Variants in CYP20A1 observed in about 807,000 individuals in gnomAD.
CYP20A1 encodes cytochrome P450 20A1.
In CYP20A1, 61 loss-of-function variants were observed where a neutral mutation model predicts 61.4. The observed-to-expected ratio is 0.99, with a 90% CI of 0.81 to 1.23. The LOEUF (loss-of-function observed/expected upper bound fraction) is 1.23. CYP20A1 is among the 50% of genes most tolerant of loss of function. CYP20A1 has a pLI of 0.00. For missense variants in CYP20A1, 530 were observed against 542.4 expected (o/e 0.98, Z 0.23); for synonymous variants, 193 against 188.2 (o/e 1.03, Z -0.21).
Position 203,297,345 on chromosome 2 carries a change from G to A in CYP20A1, c.*437G>A, listed in dbSNP as rs2068845652. On this transcript the variant is annotated 3_prime_UTR_variant, in exon 13 of 13. Coordinates refer to ENST00000356079, the MANE Select transcript of CYP20A1 (RefSeq NM_177538.3). ...ACACTTTGGGAGGCTGAGGCAGGTG[G>A]ATCACCTGAGGTCCAGAGTTTGAGA... The A allele has an allele frequency of 6.3e-6, 1 of 157,918 alleles. No homozygotes were observed. Among genetic ancestry groups the A allele is most frequent in the Non-Finnish European group, 1.4e-5 (1 of 72,010 alleles). The allele number at this position is 157,918 out of a possible 1,614,324, so 9.8% of individuals were successfully genotyped here.
chr2:203,258,388 TAAAAA>T (rs56367282), intron 4 of CYP20A1, among the ~76,000 whole-genome samples: 8 of 138,114 alleles, frequency 5.8e-5, no homozygotes, highest in Admixed American at 7.2e-5. Flanking sequence ...ACCCTATGTT[TAAAAA>T]AAAAAAAAAA....
chr2:203,247,723 G>A (rs2066510876), intron 3 of CYP20A1, among the ~76,000 whole-genome samples: 2 of 152,258 alleles, frequency 1.3e-5, no homozygotes, highest in Admixed American at 6.5e-5. Context: ...TGAGCGTGGT[G>A]AGGTGTGCCT....
intron 5 of CYP20A1, among the ~76,000 whole-genome samples, chr2:203,269,691 C>T (rs549757936): frequency 2.0e-5 from 3 of 152,128 alleles, no homozygotes; most frequent in Non-Finnish European, 4.4e-5. Flanking sequence ...GATGGGGTTT[C>T]ACCATGCTGA....
At chr2:203,271,298 C>A (rs2067588745) in intron 5 of CYP20A1, among the ~76,000 whole-genome samples, 1 of 150,836 alleles carries the variant, frequency 6.6e-6, no homozygotes, top group South Asian at 2.1e-4. Flanking sequence ...CCATGTTGGC[C>A]AGGATGGTCT....
intron 5 of CYP20A1, among the ~76,000 whole-genome samples, chr2:203,270,319 T>TA (rs1408646527): frequency 3.3e-5 from 5 of 152,116 alleles, no homozygotes; most frequent in African/African-American, 9.7e-5. Context: ...GGTTTTTTTT[T>TA]ATGTCCTCTG....
At position 203,292,267 on chromosome 2, in the gene CYP20A1, C is replaced by G; in HGVS notation, c.1089C>G (p.Leu363=). 1 of 1,610,152 alleles carries G rather than the reference C, an allele frequency of 6.2e-7. No homozygotes were observed. Among genetic ancestry groups the G allele is most frequent in the Non-Finnish European group, 8.5e-7 (1 of 1,177,656 alleles). Residue 363 remains leucine, a synonymous_variant, in exon 11 of 13, where the codon CTC becomes CTG. Transcript: ENST00000356079. ...IDRFIIPRET[L]VLYALGVVLQ... is the part of the protein sequence containing the mutation. Reference sequence around the variant, plus strand: ...TGGATTTTTTTTTTTCACAGACCCTCGTCCTTTATGCCCTTGGTGTGGTAC... The same window carrying G: ...TGGATTTTTTTTTTTCACAGACCCTGGTCCTTTATGCCCTTGGTGTGGTAC...
rs62183905 is a variant in CYP20A1, at chr2:203,272,482, C to T, written c.601-188C>T. On this transcript the variant is annotated intron_variant, in intron 5 of 12. Transcript: ENST00000356079. ...GCTTGAGCCTGGGAGGTGGAGGTTG[C>T]AGTGAGCTATGATCGTGCCATTGCA... Among the ~76,000 whole-genome samples, 799 of 138,420 alleles carry T rather than the reference C, an allele frequency of 5.8e-3. 2 individuals carry two copies. The highest frequency in any genetic ancestry group is 9.1e-3 in the Admixed American group (109 of 12,044). The allele number at this position is 138,420 out of a possible 152,430, so 90.8% of individuals were successfully genotyped here. A position where few individuals can be genotyped will look rare whatever the true frequency, so the allele number is the denominator to read the frequency against.
At chr2:203,248,619 T>A (rs2066547474) in intron 3 of CYP20A1, among the ~76,000 whole-genome samples, 1 of 152,144 alleles carries the variant, frequency 6.6e-6, no homozygotes, top group Non-Finnish European at 1.5e-5. Flanking sequence ...CAAATATGTA[T>A]GATAAAGATA....
At chr2:203,265,370 G>A (rs976969301) in intron 4 of CYP20A1, among the ~76,000 whole-genome samples, 1 of 152,078 alleles carries the variant, frequency 6.6e-6, no homozygotes, top group African/African-American at 2.4e-5. Flanking sequence ...AGGCATTCTT[G>A]GCTTATTATA....
rs1188972452 is a variant in CYP20A1, at chr2:203,266,590, G to C, written c.509G>C (p.Gly170Ala). The change falls in exon 5 of 13, where the codon GGT (glycine) becomes GCT (alanine). Residue 170 changes from glycine (G) to alanine (A), a missense_variant. Coordinates refer to ENST00000356079, the MANE Select transcript of CYP20A1 (RefSeq NM_177538.3). ...QHVPLSQHML[G>A]FAMKSVTQMV... ...GTGCCCCTCAGCCAGCATATGCTTGGTTTTGCTATGAAGTCTGTTACACAG... is the reference window on the plus strand; with the variant it reads ...GTGCCCCTCAGCCAGCATATGCTTGCTTTTGCTATGAAGTCTGTTACACAG... 1 of 1,613,858 alleles carries C rather than the reference G, an allele frequency of 6.2e-7. No homozygotes were observed. The highest frequency in any genetic ancestry group is 1.3e-5 in the African/African-American group (1 of 74,886).
At chr2:203,248,221 G>A (rs1042935753) in intron 3 of CYP20A1, among the ~76,000 whole-genome samples, 1 of 151,980 alleles carries the variant, frequency 6.6e-6, no homozygotes, top group Non-Finnish European at 1.5e-5. Context: ...GACAGGGCAA[G>A]AACCTGTCTC....
intron 9 of CYP20A1, among the ~76,000 whole-genome samples, chr2:203,287,325 A>G (rs1455792319): frequency 6.6e-6 from 1 of 152,142 alleles, no homozygotes; most frequent in African/African-American, 2.4e-5. Flanking sequence ...TTATTTTAAA[A>G]GTAATACTAG....
rs1196465031 is a variant in CYP20A1 at position 203,298,993 on chromosome 2, C to T, written c.*2085C>T. ...GAGGTTGCAGTGAGCTGATGTTGTG[C>T]TAGTGCACTCCAGCCTGGGCGACAG... On this transcript the variant is annotated 3_prime_UTR_variant, in exon 13 of 13. Transcript: ENST00000356079. Among the ~76,000 whole-genome samples, 2 of 152,042 alleles carry T rather than the reference C, an allele frequency of 1.3e-5. No individual in the cohort carries two copies. Among genetic ancestry groups the T allele is most frequent in the Non-Finnish European group, 2.9e-5 (2 of 68,000 alleles).
intron 1 of CYP20A1, among the ~76,000 whole-genome samples, chr2:203,241,347 A>G (rs1181470567): frequency 6.6e-6 from 1 of 152,182 alleles, no homozygotes; most frequent in African/African-American, 2.4e-5. Flanking sequence ...TCTTGAGTTT[A>G]TGGGAAAAGT....
intron 4 of CYP20A1, 23 bp downstream of exon 4, chr2:203,252,132 C>T (rs769372721): frequency 8.9e-6 from 14 of 1,573,326 alleles, no homozygotes; most frequent in South Asian, 2.3e-5. Context: ...GTAGTTTGGT[C>T]TAGTGTTCTA....
intron 1 of CYP20A1, among the ~76,000 whole-genome samples, chr2:203,243,502 A>G (rs1320262866): frequency 2.6e-5 from 4 of 151,350 alleles, no homozygotes; most frequent in African/African-American, 4.9e-5. Flanking sequence ...ATCCCGCCTC[A>G]GCCTCCTGAG....
intron 1 of CYP20A1, 104 bp downstream of exon 1, chr2:203,239,238 G>C (rs2066154138): frequency 8.1e-6 from 8 of 984,810 alleles, no homozygotes; most frequent in Non-Finnish European, 1.3e-5. Context: ...GGGCGGGCCT[G>C]AGAGGAGGGT....
intron 4 of CYP20A1, among the ~76,000 whole-genome samples, chr2:203,264,816 G>A (rs760859876): frequency 2.6e-5 from 4 of 152,030 alleles, no homozygotes. Context: ...TGCAAGCTCT[G>A]CCTCCTGGGT....
At chr2:203,248,339 G>C (rs2066533850) in intron 3 of CYP20A1, among the ~76,000 whole-genome samples, 1 of 152,078 alleles carries the variant, frequency 6.6e-6, no homozygotes, top group South Asian at 2.1e-4. Context: ...TTCGAGACCA[G>C]CCTGGCCAAC....
Sources: allele counts gnomAD v4.1 joint callset (sites outside exome capture counted in the v4.1 genomes callset), GRCh38; gene constraint gnomAD v4.1.1; transcripts MANE v1.5; gene names NCBI Gene and HGNC (gene_info 2026-07-23, HGNC 2026-07-21).